The following EPC1 variants were observed in gnomAD, a reference collection of about 807,000 sequenced individuals.
The protein encoded by EPC1 is enhancer of polycomb 1.
A neutral mutation model predicts 98.4 loss-of-function variants in EPC1; 12 were observed. That is an observed-to-expected ratio of 0.12 (90% CI 0.08 to 0.20). EPC1 has a LOEUF of 0.20. Among genes scored for constraint, EPC1 ranks in the 10% least tolerant of loss-of-function variants. The pLI is 1.00. For missense variants in EPC1, 729 were observed against 990.5 expected (o/e 0.74, Z 3.54); for synonymous variants, 357 against 363.9 (o/e 0.98, Z 0.21).
chr10:32,366,357 T>C (rs1250150212), intron 1 of EPC1, among the ~76,000 whole-genome samples: 9 of 152,168 alleles, frequency 5.9e-5, no homozygotes, highest in African/African-American at 2.2e-4. Flanking sequence ...ACACCCTGCT[T>C]GTAAACTCTA....
intron 1 of EPC1, among the ~76,000 whole-genome samples, chr10:32,356,876 G>C (rs1326992335): frequency 6.6e-6 from 1 of 152,134 alleles, no homozygotes; most frequent in Non-Finnish European, 1.5e-5. Flanking sequence ...CCCAACTCGG[G>C]AGGCTGAGGC....
rs184338240 is a variant in EPC1 at position 32,312,736 on chromosome 10, G to A, written c.154-6805C>T. Among the ~76,000 whole-genome samples, 3 of 152,190 alleles carry A rather than the reference G, an allele frequency of 2.0e-5. No homozygotes were observed. The East Asian group carries it at 5.8e-4, about 29-fold the overall frequency. Reference sequence around the variant, plus strand: ...TATATGTGCATGTACACATACATGTGCACGCACACACAGTTTTAAAAAACA... The same window carrying A: ...TATATGTGCATGTACACATACATGTACACGCACACACAGTTTTAAAAAACA... On this transcript the variant is annotated intron_variant, in intron 1 of 13. Transcript: ENST00000319778.
At chr10:32,270,547 G>A (rs965675220) in intron 13 of EPC1, among the ~76,000 whole-genome samples, 2 of 152,050 alleles carry the variant, frequency 1.3e-5, no homozygotes, top group East Asian at 1.9e-4. Flanking sequence ...GCTTAACGCC[G>A]GGCGTGGTGG....
chr10:32,300,496 C>A (rs1479463744), intron 2 of EPC1, among the ~76,000 whole-genome samples: 1 of 150,650 alleles, frequency 6.6e-6, no homozygotes, highest in Non-Finnish European at 1.5e-5. Context: ...TGTAGTGGCG[C>A]GATCTCGGCT....
At chr10:32,331,805 T>C (rs1011666836) in intron 1 of EPC1, among the ~76,000 whole-genome samples, 2 of 152,222 alleles carry the variant, frequency 1.3e-5, no homozygotes, top group Admixed American at 1.3e-4. Context: ...AGTCATCTCA[T>C]AAGTCAACAT....
chr10:32,333,756 A>C (rs1225268095), intron 1 of EPC1, among the ~76,000 whole-genome samples: 2 of 80,818 alleles, frequency 2.5e-5, no homozygotes, highest in Non-Finnish European at 5.9e-5. Flanking sequence ...TCAGTCAGAC[A>C]ATAAGGCTTT....
intron 1 of EPC1, among the ~76,000 whole-genome samples, chr10:32,344,790 A>G (rs1838645292): frequency 6.6e-6 from 1 of 151,966 alleles, no homozygotes; most frequent in South Asian, 2.1e-4. Context: ...CCATCTCAGA[A>G]AAGAAAAGAA....
At chr10:32,347,228 G>T (rs1838907946), upstream of EPC1, 3 of 1,221,662 alleles carry the variant, frequency 2.5e-6, no homozygotes, top group Non-Finnish European at 3.1e-6. Context: ...CGGGCGGGGG[G>T]AGGGAGCGCG....
intron 1 of EPC1, among the ~76,000 whole-genome samples, chr10:32,357,833 T>C (rs1162025118): frequency 1.3e-5 from 2 of 151,948 alleles, no homozygotes; most frequent in Non-Finnish European, 2.9e-5. Context: ...TTATTCTGTT[T>C]TGTGGCCTTC....
chr10:32,284,775 G>C lies in EPC1; in HGVS notation c.1667C>G (p.Thr556Arg), dbSNP rs947653544. Reference protein sequence around the residue: ...CRKLYRSINRTGTAQPGTQTC... With the variant: ...CRKLYRSINRRGTAQPGTQTC... ...CTGGGTCCCAGGTTGTGCTGTTCCTGTTCGGTTTATACTCCTATATAATTT... is the reference window on the plus strand; with the variant it reads ...CTGGGTCCCAGGTTGTGCTGTTCCTCTTCGGTTTATACTCCTATATAATTT... The change falls in exon 10 of 14, where the codon ACA (threonine) becomes AGA (arginine). Residue 556 changes from threonine to arginine, a missense_variant. Thr to Arg is a moderately conservative substitution (Grantham distance 71). Coordinates refer to ENST00000319778, the MANE Select transcript of EPC1 (RefSeq NM_001272004.3). The C allele has an allele frequency of 6.2e-7, 1 of 1,614,162 alleles. No homozygotes were observed. Among genetic ancestry groups the C allele is most frequent in the Non-Finnish European group, 8.5e-7 (1 of 1,180,030 alleles).
At chr10:32,300,117 T>A (rs937886622) in intron 2 of EPC1, among the ~76,000 whole-genome samples, 1 of 152,090 alleles carries the variant, frequency 6.6e-6, no homozygotes. Context: ...TTCACTGTGT[T>A]AGCTAGGATG....
intron 1 of EPC1, among the ~76,000 whole-genome samples, chr10:32,335,603 A>C (rs1215462589): frequency 3.9e-5 from 6 of 152,120 alleles, no homozygotes; most frequent in Non-Finnish European, 8.8e-5. Flanking sequence ...AAAAAAACAC[A>C]ACCACTCAGA....
intron 10 of EPC1, among the ~76,000 whole-genome samples, chr10:32,280,783 T>C (rs146854862): frequency 3.6e-4 from 55 of 152,214 alleles, no homozygotes; most frequent in Non-Finnish European, 5.9e-4. Context: ...GAAATGGCTA[T>C]ACTATAACTC....
intron 13 of EPC1, chr10:32,269,505 A>C: frequency 4.5e-6 from 1 of 223,412 alleles, no homozygotes; most frequent in Non-Finnish European, 8.9e-6. Flanking sequence ...GTCAGGCTTT[A>C]AATCAGTCTA....
At chr10:32,278,421 G>A (rs2132664116) in intron 10 of EPC1, among the ~76,000 whole-genome samples, 1 of 107,454 alleles carries the variant, frequency 9.3e-6, no homozygotes, top group African/African-American at 3.5e-5. Context: ...TCGCTCTGTC[G>A]CCCAGGCTGG....
In EPC1 at chr10:32,359,027, A is replaced by T. The variant is rs116572914; in HGVS notation, c.3+19464T>A. ...AAAAGAAACCCATTTACTGATGCTTAGCACAGTATTTTCCAAAGTTCTCTG... is the reference window on the plus strand; with the variant it reads ...AAAAGAAACCCATTTACTGATGCTTTGCACAGTATTTTCCAAAGTTCTCTG... On this transcript the variant is annotated intron_variant, in intron 1 of 13. Transcript: ENST00000375110. Among the ~76,000 whole-genome samples, 252 of 152,294 alleles carry T rather than the reference A, an allele frequency of 1.7e-3. 1 individual carries two copies. Among genetic ancestry groups the T allele is most frequent in the African/African-American group, 5.9e-3 (244 of 41,582 alleles).
intron 1 of EPC1, among the ~76,000 whole-genome samples, chr10:32,343,991 C>T (rs1838567603): frequency 6.6e-6 from 1 of 152,194 alleles, no homozygotes; most frequent in African/African-American, 2.4e-5. Context: ...GGACTACATA[C>T]TTTTTTTTCT....
At position 32,290,501 on chromosome 10, in the gene EPC1, A is replaced by G. The variant is rs202078071; in HGVS notation, c.975+662T>C. Among the ~76,000 whole-genome samples the G allele has an allele frequency of 1.0e-3, 37 of 36,266 alleles. 2 individuals carry two copies. The highest frequency in any genetic ancestry group is 8.9e-3 in the East Asian group (9 of 1,006). 23.8% of individuals were successfully genotyped at this position (36,266 alleles called of 152,430 possible). On this transcript the variant is annotated intron_variant, in intron 6 of 13. Coordinates refer to ENST00000319778, the MANE Select transcript of EPC1 (RefSeq NM_001272004.3). ...ACTCTGTCAAAAAAAAAAAAAAAAA[A>G]AAAAAAAGAAAGAAAGAAAAACTCA...
chr10:32,278,145 A>AT (rs1251435674), intron 10 of EPC1, among the ~76,000 whole-genome samples: 3 of 150,498 alleles, frequency 2.0e-5, no homozygotes, highest in Admixed American at 2.0e-4. Context: ...GGTTCAAGCG[A>AT]TTCTCCTGCC....
Sources: gnomAD v4.1 joint callset for allele counts (sites outside exome capture counted in the v4.1 genomes callset) on GRCh38, gnomAD v4.1.1 for gene constraint, MANE v1.5 for transcripts, NCBI Gene and HGNC (gene_info 2026-07-23, HGNC 2026-07-21) for gene names.